Variants in FGGY observed in about 807,000 individuals in gnomAD.
FGGY encodes the protein FGGY carbohydrate kinase domain-containing protein.
Under a neutral mutation model 71.3 loss-of-function variants are expected in FGGY, and 72 were observed. The observed-to-expected ratio is 1.01, with a 90% confidence interval of 0.84 to 1.23. The LOEUF is 1.23. FGGY is among the 50% of genes most tolerant of loss of function. The pLI is 0.00. For missense variants in FGGY, 668 were observed against 682.3 expected, an observed-to-expected ratio of 0.98 and a Z score of 0.23; for synonymous variants, 251 against 250.3, an observed-to-expected ratio of 1.00 and a Z score of -0.02.
intron 12 of FGGY, among the ~76,000 whole-genome samples, chr1:59,667,042 T>C (rs925842877): frequency 1.3e-5 from 2 of 152,192 alleles, no homozygotes; most frequent in Non-Finnish European, 2.9e-5. Context: ...TAACTACTGA[T>C]AGAAGCAAAT....
intron 5 of FGGY, among the ~76,000 whole-genome samples, chr1:59,441,786 T>C (rs1469669258): frequency 1.3e-5 from 2 of 152,234 alleles, no homozygotes; most frequent in Non-Finnish European, 2.9e-5. Flanking sequence ...CTGTACTTTG[T>C]AATGCCTTCT....
At chr1:59,564,224 C>CA (rs1318823053) in intron 8 of FGGY, among the ~76,000 whole-genome samples, 2 of 152,222 alleles carry the variant, frequency 1.3e-5, no homozygotes, top group South Asian at 2.1e-4. Flanking sequence ...TCTGCACAGT[C>CA]AAAAAAGCTG....
Position 59,447,463 on chromosome 1 carries a change from C to T in FGGY, c.555-9498C>T, listed in dbSNP as rs116356409. Reference sequence around the variant, plus strand: ...GAATCAGTCTCTTTTTGTCAAGATACTCTACCCTTACCTGGACCTTTTATC... The same window carrying T: ...GAATCAGTCTCTTTTTGTCAAGATATTCTACCCTTACCTGGACCTTTTATC... On this transcript the variant is annotated intron_variant, in intron 5 of 15. Coordinates refer to ENST00000303721, the MANE Select transcript of FGGY (RefSeq NM_018291.5). Among the ~76,000 whole-genome samples the T allele has an allele frequency of 2.5e-3, 384 of 152,280 alleles. 1 individual carries two copies. The highest frequency in any genetic ancestry group is 8.8e-3 in the African/African-American group (367 of 41,552).
intron 14 of FGGY, among the ~76,000 whole-genome samples, chr1:59,729,789 T>C (rs2098001209): frequency 6.6e-6 from 1 of 152,188 alleles, no homozygotes; most frequent in Non-Finnish European, 1.5e-5. Context: ...ATGACCTTCA[T>C]AGATGTTCTT....
At chr1:59,315,540 G>A (rs1006812464) in intron 1 of FGGY, 1 of 151,712 alleles carries the variant, frequency 6.6e-6, no homozygotes, top group African/African-American at 2.4e-5. Context: ...TCCTTTGTTA[G>A]GCATTAGTGT....
chr1:59,595,110 C>G (rs1462685801), intron 8 of FGGY, among the ~76,000 whole-genome samples: 1 of 152,160 alleles, frequency 6.6e-6, no homozygotes, highest in Non-Finnish European at 1.5e-5. Context: ...AGACCCAGAT[C>G]AAATCCCCAT....
At chr1:59,614,388 C>T (rs377360790) in intron 9 of FGGY, among the ~76,000 whole-genome samples, 6 of 151,994 alleles carry the variant, frequency 3.9e-5, no homozygotes, top group East Asian at 3.8e-4. Context: ...ACAGAACCAA[C>T]GACAAAAACC....
chr1:59,408,480 G>T (rs774657743), intron 5 of FGGY, among the ~76,000 whole-genome samples: 3 of 152,102 alleles, frequency 2.0e-5, no homozygotes, highest in Non-Finnish European at 4.4e-5. Flanking sequence ...CATTTCAAAG[G>T]CTTATCTTAG....
At chr1:59,668,454 C>T (rs1006120592) in intron 13 of FGGY, among the ~76,000 whole-genome samples, 23 of 152,282 alleles carry the variant, frequency 1.5e-4, no homozygotes, top group Middle Eastern at 3.4e-3. Flanking sequence ...TTATCATTAT[C>T]CTTTGCTGTC....
intron 14 of FGGY, chr1:59,698,826 T>C: frequency 3.0e-6 from 3 of 985,428 alleles, no homozygotes; most frequent in Non-Finnish European, 2.4e-6. Context: ...TTAATATGTG[T>C]GTGCCCACAG....
Position 59,655,845 on chromosome 1 carries a change from G to C in FGGY, c.1222-4374G>C, listed in dbSNP as rs796234304. Among the ~76,000 whole-genome samples, 53 of 152,212 alleles carry C rather than the reference G, an allele frequency of 3.5e-4. 1 individual carries two copies. The highest frequency in any genetic ancestry group is 1.2e-3 in the African/African-American group (49 of 41,546). ...CTTTTTTTGTGGATGAAAAAATTGAGCTCATAGATGTTACAAAATTCATAT... is the reference window on the plus strand; with the variant it reads ...CTTTTTTTGTGGATGAAAAAATTGACCTCATAGATGTTACAAAATTCATAT... On this transcript the variant is annotated intron_variant, in intron 11 of 15. Transcript: ENST00000303721.
intron 9 of FGGY, among the ~76,000 whole-genome samples, chr1:59,624,587 G>T (rs1272735313): frequency 2.0e-5 from 3 of 152,104 alleles, no homozygotes; most frequent in Non-Finnish European, 4.4e-5. Flanking sequence ...CAGAAAAAGA[G>T]GTGTAATGGA....
chr1:59,454,760 T>A (rs2091518952), intron 5 of FGGY, among the ~76,000 whole-genome samples: 1 of 152,210 alleles, frequency 6.6e-6, no homozygotes, highest in Admixed American at 6.5e-5. Flanking sequence ...GATTATTTGA[T>A]CAATTTCTGT....
chr1:59,321,833 T>A lies in FGGY; in HGVS notation c.201+83T>A, dbSNP rs146878633. 9.1e-3 allele frequency: 12,748 copies of A among 1,407,388 alleles called. 115 individuals carry two copies. Among genetic ancestry groups the A allele is most frequent in the Non-Finnish European group, 9.0e-3 (9,309 of 1,031,190 alleles). 87.2% of individuals were successfully genotyped at this position (1,407,388 alleles called of 1,614,324 possible). On this transcript the variant is annotated intron_variant, in intron 2 of 15. Coordinates refer to ENST00000303721, the MANE Select transcript of FGGY (RefSeq NM_018291.5). Reference sequence around the variant, plus strand: ...TGTCAATCTGGTGCCGTAAACAATGTTGGGGTAACTTTAGATGCAGAGGTA... The same window carrying A: ...TGTCAATCTGGTGCCGTAAACAATGATGGGGTAACTTTAGATGCAGAGGTA...
chr1:59,342,690 C>T (rs1042208172), intron 3 of FGGY, among the ~76,000 whole-genome samples: 6 of 152,070 alleles, frequency 3.9e-5, no homozygotes, highest in Admixed American at 1.3e-4. Context: ...TGCATGGCAG[C>T]GACCAACTCT....
rs559811583 is a variant in FGGY at position 59,534,207 on chromosome 1, G to A, written c.800-19917G>A. On this transcript the variant is annotated intron_variant, in intron 7 of 15. Coordinates refer to ENST00000303721, the MANE Select transcript of FGGY (RefSeq NM_018291.5). ...ATGCAGAAGCCTCAGGAGCCGATGC[G>A]ATCACCTAGAAGAAAGGGTATCAGC... Among the ~76,000 whole-genome samples, 542 of 152,232 alleles carry A rather than the reference G, an allele frequency of 3.6e-3. 2 individuals are homozygous for A. The highest frequency in any genetic ancestry group is 5.6e-3 in the Non-Finnish European group (382 of 68,006).
chr1:59,352,591 C>T (rs1330094199), intron 4 of FGGY, among the ~76,000 whole-genome samples: 1 of 151,360 alleles, frequency 6.6e-6, no homozygotes, highest in Admixed American at 6.6e-5. Context: ...TTGGTAGATT[C>T]TTTGGGGGGA....
At chr1:59,663,357 T>C (rs1411454008) in intron 12 of FGGY, among the ~76,000 whole-genome samples, 1 of 152,232 alleles carries the variant, frequency 6.6e-6, no homozygotes, top group Non-Finnish European at 1.5e-5. Flanking sequence ...TGAAATAAGC[T>C]TTCAGATATT....
At chr1:59,350,117 C>T (rs2153223660) in intron 4 of FGGY, among the ~76,000 whole-genome samples, 1 of 152,266 alleles carries the variant, frequency 6.6e-6, no homozygotes, top group East Asian at 1.9e-4. Context: ...AGTATAAAAG[C>T]ATGAGATTCT....
Sources: allele counts gnomAD v4.1 joint callset (sites outside exome capture counted in the v4.1 genomes callset), GRCh38; gene constraint gnomAD v4.1.1; transcripts MANE v1.5; gene names NCBI Gene and HGNC (gene_info 2026-07-23, HGNC 2026-07-21).